Variants in GRID1 observed in about 807,000 individuals in gnomAD.
The protein encoded by GRID1 is glutamate ionotropic receptor delta type subunit 1.
GRID1 carries 28 observed loss-of-function variants against 98.0 expected under a neutral mutation model. The observed-to-expected ratio is 0.29, with a 90% CI of 0.21 to 0.39. The LOEUF is 0.39. Among genes scored for constraint, GRID1 ranks in the 10% least tolerant of loss-of-function variants. The pLI is 1.00. For synonymous variants in GRID1, 553 were observed against 538.5 expected (o/e 1.03, Z -0.37); for missense variants, 1,111 against 1,340.5 (o/e 0.83, Z 2.67).
chr10:85,819,540 A>T (rs1243875327), intron 8 of GRID1, among the ~76,000 whole-genome samples: 1 of 152,212 alleles, frequency 6.6e-6, no homozygotes, highest in Non-Finnish European at 1.5e-5. Flanking sequence ...GATATCATGT[A>T]TCCCCTGATA....
chr10:86,267,464 T>A (rs1343559915), intron 2 of GRID1, among the ~76,000 whole-genome samples: 1 of 152,112 alleles, frequency 6.6e-6, no homozygotes, highest in Non-Finnish European at 1.5e-5. Context: ...AGCCCCTACA[T>A]CTCCCTGGCA....
intron 2 of GRID1, among the ~76,000 whole-genome samples, chr10:86,352,694 CAT>C (rs1377245385): frequency 6.6e-6 from 1 of 152,178 alleles, no homozygotes; most frequent in African/African-American, 2.4e-5. Context: ...GCTTTGACAT[CAT>C]ATTAGGGAAA....
At chr10:86,000,851 C>A (rs1405008525) in intron 4 of GRID1, among the ~76,000 whole-genome samples, 1 of 151,998 alleles carries the variant, frequency 6.6e-6, no homozygotes, top group Admixed American at 6.6e-5. Context: ...CTAAGCAAAC[C>A]CACTCCTGGG....
chr10:85,822,515 A>G (rs375550977), intron 8 of GRID1, among the ~76,000 whole-genome samples: 6 of 152,178 alleles, frequency 3.9e-5, no homozygotes, highest in Admixed American at 3.9e-4. Flanking sequence ...TTAGAATGGC[A>G]ATCATTAAAA....
At position 86,072,733 on chromosome 10, in the gene GRID1, C is replaced by T. The variant is rs185221292; in HGVS notation, c.726+66086G>A. On this transcript the variant is annotated intron_variant, in intron 4 of 15. Coordinates refer to ENST00000327946, the MANE Select transcript of GRID1 (RefSeq NM_017551.3). ...CATCCACCTACCCCACCCCTTTCCACGGTCTCAGACCTAACTCTACACCAA... is the reference window on the plus strand; with the variant it reads ...CATCCACCTACCCCACCCCTTTCCATGGTCTCAGACCTAACTCTACACCAA... 2.2e-4 allele frequency among the ~76,000 whole-genome samples: 34 copies of T among 152,260 alleles called. No homozygotes were observed. The East Asian group carries it at 3.7e-3, about 16-fold the overall frequency.
chr10:85,851,439 T>C (rs1311955116), intron 8 of GRID1, among the ~76,000 whole-genome samples: 1 of 152,174 alleles, frequency 6.6e-6, no homozygotes, highest in Non-Finnish European at 1.5e-5. Flanking sequence ...ATTGAATTAG[T>C]ATTTGTCCAG....
chr10:86,331,159 C>T (rs4934185), intron 2 of GRID1, among the ~76,000 whole-genome samples: 146,111 of 152,370 alleles, frequency 0.96, 70,177 homozygotes, highest in East Asian at 1. Context: ...TTGGCCTGGC[C>T]CACGGGATGT....
chr10:86,083,476 G>A (rs899515905), intron 4 of GRID1, among the ~76,000 whole-genome samples: 4 of 152,296 alleles, frequency 2.6e-5, no homozygotes, highest in Middle Eastern at 3.4e-3. Flanking sequence ...TTCGCTCCTC[G>A]CTGTCATGAG....
At chr10:85,632,163 T>C (rs950368236) in intron 13 of GRID1, among the ~76,000 whole-genome samples, 1 of 152,204 alleles carries the variant, frequency 6.6e-6, no homozygotes, top group South Asian at 2.1e-4. Context: ...ACCTTGGTCT[T>C]GGCTTGACTG....
intron 8 of GRID1, among the ~76,000 whole-genome samples, chr10:85,835,287 AT>A (rs1477360146): frequency 6.6e-6 from 1 of 152,194 alleles, no homozygotes; most frequent in African/African-American, 2.4e-5. Flanking sequence ...TAACAAGGAT[AT>A]TGAAACTCTG....
At chr10:86,033,939 G>C (rs1439450914) in intron 4 of GRID1, among the ~76,000 whole-genome samples, 1 of 152,198 alleles carries the variant, frequency 6.6e-6, no homozygotes, top group Non-Finnish European at 1.5e-5. Context: ...ATTGACCCTG[G>C]GGCTGCCCCT....
At chr10:85,855,612 A>C (rs1327193505) in intron 7 of GRID1, among the ~76,000 whole-genome samples, 3 of 152,210 alleles carry the variant, frequency 2.0e-5, no homozygotes, top group Non-Finnish European at 4.4e-5. Context: ...AATTCACTTC[A>C]AATCCAGCTT....
chr10:85,614,039 A>C (rs1842762443), intron 14 of GRID1, among the ~76,000 whole-genome samples: 1 of 152,224 alleles, frequency 6.6e-6, no homozygotes, highest in African/African-American at 2.4e-5. Flanking sequence ...TGATCATGAA[A>C]ATGCTTTCTT....
Position 86,102,482 on chromosome 10 carries a change from A to G in GRID1, c.726+36337T>C, listed in dbSNP as rs57664754. On this transcript the variant is annotated intron_variant, in intron 4 of 15. Transcript: ENST00000327946. ...GATGGCTTAGTGTGGACAAGGCATT[A>G]CCCCATGCCCACTCATTGACAGGGA... Among the ~76,000 whole-genome samples, 1,404 of 152,308 alleles carry G rather than the reference A, an allele frequency of 9.2e-3. 21 individuals carry two copies. Among genetic ancestry groups the G allele is most frequent in the African/African-American group, 0.032 (1,339 of 41,570 alleles).
At chr10:85,906,714 A>G (rs920158539) in intron 5 of GRID1, among the ~76,000 whole-genome samples, 1 of 152,216 alleles carries the variant, frequency 6.6e-6, no homozygotes, top group Non-Finnish European at 1.5e-5. Context: ...AAAGCACAAC[A>G]TATCAAGATT....
At chr10:86,212,585 T>C (rs1846122074) in intron 2 of GRID1, among the ~76,000 whole-genome samples, 1 of 152,198 alleles carries the variant, frequency 6.6e-6, no homozygotes, top group South Asian at 2.1e-4. Context: ...GTCCAGCACC[T>C]CTGCCGCCCC....
intron 2 of GRID1, among the ~76,000 whole-genome samples, chr10:86,220,339 T>G (rs1183321862): frequency 1.3e-5 from 2 of 152,178 alleles, no homozygotes; most frequent in Non-Finnish European, 2.9e-5. Context: ...CGGACTCGAA[T>G]CCCTGCTCTG....
At chr10:85,983,533 T>C (rs1842571276) in intron 4 of GRID1, among the ~76,000 whole-genome samples, 1 of 152,168 alleles carries the variant, frequency 6.6e-6, no homozygotes, top group Non-Finnish European at 1.5e-5. Context: ...TTATCACATC[T>C]TAAAGATGAG....
intron 13 of GRID1, among the ~76,000 whole-genome samples, chr10:85,638,027 A>C (rs1843070963): frequency 6.6e-6 from 1 of 152,234 alleles, no homozygotes; most frequent in Non-Finnish European, 1.5e-5. Context: ...TAGCTCTAAT[A>C]CTTATATTAG....
Sources: gnomAD v4.1 joint callset for allele counts (sites outside exome capture counted in the v4.1 genomes callset) on GRCh38, gnomAD v4.1.1 for gene constraint, MANE v1.5 for transcripts, NCBI Gene and HGNC (gene_info 2026-07-23, HGNC 2026-07-21) for gene names.